The following CCDC85A variants were observed in gnomAD, a reference collection of about 807,000 sequenced individuals.
The protein encoded by CCDC85A is coiled-coil domain-containing protein 85A.
Under a neutral mutation model 50.2 loss-of-function variants are expected in CCDC85A, and 38 were observed. The observed-to-expected ratio is 0.76, with a 90% CI of 0.58 to 0.99. The LOEUF (loss-of-function observed/expected upper bound fraction) is 0.99. Ranked by LOEUF, CCDC85A falls within the 50% of genes least tolerant of loss-of-function variation. CCDC85A has a pLI of 0.00. For synonymous variants in CCDC85A, 366 were observed against 301.4 expected (o/e 1.21, Z -2.22); for missense variants, 820 against 742.0 (o/e 1.11, Z -1.22).
chr2:56,328,647 G>A (rs1673598365), intron 2 of CCDC85A, among the ~76,000 whole-genome samples: 1 of 152,148 alleles, frequency 6.6e-6, no homozygotes. Context: ...AACCCCAGTT[G>A]TGCTCCTTCT....
In CCDC85A at chr2:56,301,658, AG is replaced by A. The variant is rs1206621900; in HGVS notation, c.1241-41220del. Among the ~76,000 whole-genome samples the A allele has an allele frequency of 2.0e-5, 3 of 152,232 alleles. No homozygotes were observed. In the East Asian group the frequency reaches 5.8e-4, roughly 29 times the overall value. On this transcript the variant is annotated intron_variant, in intron 2 of 5. Transcript: ENST00000407595. ...TTTTCTAGGTGCTAAGGCAGGAAGC[AG>A]ACATTTTATGCATAAGGAATGGCTC...
At chr2:56,341,363 T>G (rs1674361006) in intron 2 of CCDC85A, among the ~76,000 whole-genome samples, 1 of 152,168 alleles carries the variant, frequency 6.6e-6, no homozygotes. Context: ...AACAACCACC[T>G]GACTATCCCG....
intron 3 of CCDC85A, among the ~76,000 whole-genome samples, chr2:56,371,163 C>G (rs565085421): frequency 3.9e-5 from 6 of 152,076 alleles, no homozygotes; most frequent in African/African-American, 1.4e-4. Flanking sequence ...ATATAATTGC[C>G]TCTGTTATAC....
chr2:56,383,813 G>A (rs968753247), intron 5 of CCDC85A: 36 of 907,402 alleles, frequency 4.0e-5, no homozygotes, highest in Non-Finnish European at 3.8e-5. Flanking sequence ...GTATAATATA[G>A]GAACCAGGAT....
At chr2:56,366,341 C>A (rs1230937624) in intron 3 of CCDC85A, among the ~76,000 whole-genome samples, 2 of 152,138 alleles carry the variant, frequency 1.3e-5, no homozygotes, top group Non-Finnish European at 2.9e-5. Flanking sequence ...TACTGTTTTC[C>A]ATAATAGCTA....
intron 3 of CCDC85A, among the ~76,000 whole-genome samples, chr2:56,346,529 G>A (rs955426537): frequency 1.5e-4 from 23 of 152,210 alleles, no homozygotes; most frequent in African/African-American, 5.5e-4. Flanking sequence ...CCCAGTGAAT[G>A]TAGAGCTCCT....
chr2:56,234,511 A>C (rs182054791), intron 2 of CCDC85A, among the ~76,000 whole-genome samples: 4 of 152,312 alleles, frequency 2.6e-5, no homozygotes, highest in African/African-American at 9.6e-5. Flanking sequence ...ATTAAAAAAA[A>C]TTAAACCACC....
chr2:56,184,432 G>A lies in CCDC85A; in HGVS notation c.-193G>A. 1 of 576,180 alleles carries A rather than the reference G, an allele frequency of 1.7e-6. No individual in the cohort carries two copies. The highest frequency in any genetic ancestry group is 2.5e-6 in the Non-Finnish European group (1 of 403,726). The allele number at this position is 576,180 out of a possible 1,614,324, so 35.7% of individuals were successfully genotyped here. ...TGCCGGGCCCTGGGGGAGCGCGGGC[G>A]CGCGCGCGGGGATGGCGAGGTAGGA... On this transcript the variant is annotated 5_prime_UTR_variant, in exon 1 of 6. Transcript: ENST00000407595.
chr2:56,340,544 C>T (rs916196925), intron 2 of CCDC85A, among the ~76,000 whole-genome samples: 17 of 151,858 alleles, frequency 1.1e-4, no homozygotes, highest in Non-Finnish European at 1.6e-4. Flanking sequence ...AAGAAGAAGC[C>T]GAGGCAAGTT....
chr2:56,364,645 C>T lies in CCDC85A; in HGVS notation c.1318-7699C>T, dbSNP rs572039713. On this transcript the variant is annotated intron_variant, in intron 3 of 5. Transcript: ENST00000407595. ...GATGAAAGAGTTAGATCTATTACTT[C>T]CCCCGGTATTTTCTATGCTGGTTAA... is the stretch of plus-strand genomic sequence containing the variant. 1.6e-4 allele frequency among the ~76,000 whole-genome samples: 24 copies of T among 152,272 alleles called. No homozygotes were observed. The East Asian group carries it at 1.9e-3, about 12-fold the overall frequency.
chr2:56,222,088 C>T (rs927535589), intron 2 of CCDC85A, among the ~76,000 whole-genome samples: 3 of 152,054 alleles, frequency 2.0e-5, no homozygotes, highest in Non-Finnish European at 2.9e-5. Flanking sequence ...TTAAAAGCCC[C>T]ATCTCTTTAC....
chr2:56,365,823 A>C (rs1039066850), intron 3 of CCDC85A, among the ~76,000 whole-genome samples: 2 of 152,166 alleles, frequency 1.3e-5, no homozygotes, highest in Admixed American at 1.3e-4. Context: ...ATTATTGACT[A>C]TAGTCACCAT....
chr2:56,342,744 A>AT, intron 2 of CCDC85A, 135 bp from the exon 3 acceptor site: 5 of 508,818 alleles, frequency 9.8e-6, no homozygotes, highest in Admixed American at 7.4e-5. Flanking sequence ...TTTCTGGGAG[A>AT]TATTTTTTTT....
At position 56,290,455 on chromosome 2, in the gene CCDC85A, T is replaced by A. The variant is rs570447324; in HGVS notation, c.1241-52424T>A. The stretch of plus-strand genomic sequence containing the variant: ...TCAAATATGCCTGATTCTGTGCCCC[T>A]CTACTATGGCAAATGAATTATATTT... On this transcript the variant is annotated intron_variant, in intron 2 of 5. Transcript: ENST00000407595. Among the ~76,000 whole-genome samples, 5 of 152,304 alleles carry A rather than the reference T, an allele frequency of 3.3e-5. No homozygotes were observed. The South Asian group carries it at 8.3e-4, about 25-fold the overall frequency.
intron 2 of CCDC85A, among the ~76,000 whole-genome samples, chr2:56,235,018 T>C (rs954247107): frequency 2.0e-5 from 3 of 152,182 alleles, no homozygotes; most frequent in African/African-American, 7.2e-5. Context: ...TCAAAACAGA[T>C]GTAAGCTTTT....
At chr2:56,368,808 A>T (rs1451659423) in intron 3 of CCDC85A, among the ~76,000 whole-genome samples, 2 of 151,918 alleles carry the variant, frequency 1.3e-5, no homozygotes, top group African/African-American at 4.8e-5. Flanking sequence ...TATAGTACAT[A>T]TATATTTTTA....
intron 2 of CCDC85A, among the ~76,000 whole-genome samples, chr2:56,326,136 T>A (rs761266777): frequency 8.5e-5 from 13 of 152,142 alleles, no homozygotes; most frequent in Non-Finnish European, 1.5e-4. Flanking sequence ...TGAGGACTAT[T>A]TATAATGCTG....
intron 2 of CCDC85A, among the ~76,000 whole-genome samples, chr2:56,257,235 G>A (rs1573114016): frequency 1.3e-5 from 2 of 152,164 alleles, no homozygotes; most frequent in South Asian, 4.1e-4. Context: ...TTGGGGAGAT[G>A]GTGGCAAGGC....
chr2:56,257,612 G>A (rs926413915), intron 2 of CCDC85A, among the ~76,000 whole-genome samples: 11 of 152,158 alleles, frequency 7.2e-5, no homozygotes, highest in Non-Finnish European at 1.5e-4. Context: ...GGAGGTCTTA[G>A]GTGATTGTGT....
Sources: gnomAD v4.1 joint callset for allele counts (sites outside exome capture counted in the v4.1 genomes callset) on GRCh38, gnomAD v4.1.1 for gene constraint, MANE v1.5 for transcripts, NCBI Gene and HGNC (gene_info 2026-07-23, HGNC 2026-07-21) for gene names.